MYO18A: variants seen among roughly 807,000 people sequenced by gnomAD.
MYO18A encodes the protein myosin XVIIIA.
Under a neutral mutation model 235.8 loss-of-function variants are expected in MYO18A, and 78 were observed. The ratio of observed to expected loss-of-function variants is 0.33; its 90% CI spans 0.28 to 0.40. MYO18A has a LOEUF of 0.40. Among genes scored for constraint, MYO18A ranks in the 10% least tolerant of loss-of-function variants. The probability of loss-of-function intolerance (pLI) is 1.00; values close to 1 mark genes in which losing one functional copy is unlikely to be tolerated. For missense variants in MYO18A, 2,215 were observed against 2,699.3 expected, an observed-to-expected ratio of 0.82 and a Z score of 3.98; for synonymous variants, 977 against 1,077.8, an observed-to-expected ratio of 0.91 and a Z score of 1.83.
At chr17:29,133,035 G>C (rs2067509735) in intron 2 of MYO18A, among the ~76,000 whole-genome samples, 1 of 152,232 alleles carries the variant, frequency 6.6e-6, no homozygotes, top group Admixed American at 6.5e-5. Flanking sequence ...CTGTTAACTT[G>C]GGTGCCGGGG....
At chr17:29,080,592 C>A (rs1444575635) in intron 41 of MYO18A, 4 of 985,688 alleles carry the variant, frequency 4.1e-6, no homozygotes, top group African/African-American at 1.7e-5. Flanking sequence ...CGGGCGAGCC[C>A]GACAGCGAGA....
intron 2 of MYO18A, among the ~76,000 whole-genome samples, chr17:29,157,258 C>T (rs2068082985): frequency 6.6e-6 from 1 of 152,226 alleles, no homozygotes; most frequent in South Asian, 2.1e-4. Context: ...AGATTGAATC[C>T]TGCCTGCTGC....
intron 41 of MYO18A, among the ~76,000 whole-genome samples, chr17:29,081,980 C>A (rs1462917988): frequency 6.6e-6 from 1 of 152,158 alleles, no homozygotes; most frequent in Non-Finnish European, 1.5e-5. Flanking sequence ...GATTAAGAGT[C>A]CCCTGTGCCC....
chr17:29,157,706 C>T (rs2068089898), intron 2 of MYO18A, among the ~76,000 whole-genome samples: 1 of 152,184 alleles, frequency 6.6e-6, no homozygotes, highest in Admixed American at 6.5e-5. Flanking sequence ...GCCTAACCTA[C>T]AGTGAATGTT....
At chr17:29,113,077 C>A (rs931482111) in intron 15 of MYO18A, among the ~76,000 whole-genome samples, 2 of 152,252 alleles carry the variant, frequency 1.3e-5, no homozygotes, top group Non-Finnish European at 2.9e-5. Flanking sequence ...GACATCCCCC[C>A]TCTCCCGGGA....
Position 29,110,498 on chromosome 17 carries a change from A to C in MYO18A, c.3025T>G (p.Phe1009Val), listed in dbSNP as rs1307283137. 6 of 1,603,668 alleles carry C rather than the reference A, an allele frequency of 3.7e-6. No homozygotes were observed. In the South Asian group the frequency reaches 6.7e-5, roughly 18 times the overall value. ...TTGACAGCCGCCATGCCTGTGGTAA[A>C]GGTTTTCCGCATGCTGGTGGCCCGG... is the stretch of plus-strand genomic sequence containing the variant. ...LRRATSMRKT[F>V]TTGMAAVKKK... is the part of the protein sequence containing the mutation. Residue 1009 changes from phenylalanine (F) to valine (V), a missense_variant, in exon 18 of 42, where the codon TTT becomes GTT. Coordinates refer to ENST00000527372, the MANE Select transcript of MYO18A (RefSeq NM_078471.4).
At chr17:29,086,646 G>A (rs2066260221) in intron 38 of MYO18A, 69 bp from the exon 39 acceptor site, 5 of 1,561,600 alleles carry the variant, frequency 3.2e-6, no homozygotes, top group African/African-American at 1.4e-5. Context: ...GAAGAAGCCT[G>A]CTTCAAGTAC....
At position 29,109,928 on chromosome 17, in the gene MYO18A, G is replaced by C. The variant is rs553958030; in HGVS notation, c.3261C>G (p.Leu1087=). The C allele has an allele frequency of 2.4e-5, 38 of 1,598,838 alleles. No individual in the cohort carries two copies. In the East Asian group the frequency reaches 8.2e-4, roughly 34 times the overall value. The part of the protein sequence containing the change: ...GDHCEAGLLQ[L]DVPLLRTQLR... ...GCTGGGTGCGGAGCAGGGGCACGTC[G>C]AGCTGCAGGAGCCCAGCCTCGCAGT... is the stretch of plus-strand genomic sequence containing the variant. The change falls in exon 19 of 42, where the codon CTC becomes CTG. Residue 1087 remains leucine, a synonymous_variant. Transcript: ENST00000527372. The surrounding 1 kb of genome is among the most constrained non-coding windows in gnomAD (Gnocchi z 4.1).
rs144361514 is a variant in MYO18A, at chr17:29,116,613, G to GCACACACACA, written c.2039-168_2039-159dup. Among the ~76,000 whole-genome samples the GCACACACACA allele has an allele frequency of 6.1e-4, 89 of 144,924 alleles. 1 individual carries two copies. Among genetic ancestry groups the GCACACACACA allele is most frequent in the African/African-American group, 1.7e-3 (66 of 38,018 alleles). ...AACCACAGTCAGACTTGGGACAAAC[G>GCACACACACA]CACACACACACAGTCTCCAGGGAGT... On this transcript the variant is annotated intron_variant, in intron 10 of 41. Coordinates refer to ENST00000527372, the MANE Select transcript of MYO18A (RefSeq NM_078471.4).
At chr17:29,176,151 G>A (rs1312515876) in intron 1 of MYO18A, among the ~76,000 whole-genome samples, 1 of 152,124 alleles carries the variant, frequency 6.6e-6, no homozygotes, top group African/African-American at 2.4e-5. Context: ...CTTTAGTAAC[G>A]CTTTAGCTTT....
chr17:29,142,351 A>C (rs1282271762), intron 2 of MYO18A, among the ~76,000 whole-genome samples: 1 of 152,234 alleles, frequency 6.6e-6, no homozygotes, highest in Non-Finnish European at 1.5e-5. Context: ...CCATTTGTTA[A>C]ATGAATGAGT....
intron 41 of MYO18A, chr17:29,081,134 AAGG>A (rs2066111788): frequency 2.3e-6 from 1 of 432,424 alleles, no homozygotes; most frequent in Admixed American, 6.4e-5. Flanking sequence ...AGGGAGGCGA[AAGG>A]AGGAGAAAAC....
chr17:29,128,182 C>T (rs191817802), intron 2 of MYO18A: 132 of 1,039,054 alleles, frequency 1.3e-4, no homozygotes, highest in South Asian at 2.2e-4. Flanking sequence ...CAGGCTTAGG[C>T]GGAGCAGGGG....
intron 11 of MYO18A, among the ~76,000 whole-genome samples, chr17:29,116,209 G>C (rs1406771388): frequency 6.6e-6 from 1 of 152,154 alleles, no homozygotes; most frequent in Admixed American, 6.5e-5. Flanking sequence ...TGTGCCTGTG[G>C]GGGACTTATC....
Position 29,103,676 on chromosome 17 carries a change from G to A in MYO18A, c.3442-12C>T. 6.2e-7 allele frequency: 1 copy of A among 1,613,538 alleles called. No individual in the cohort carries two copies. Among genetic ancestry groups the A allele is most frequent in the Admixed American group, 1.7e-5 (1 of 60,026 alleles). On this transcript the variant is annotated splice_polypyrimidine_tract_variant and intron_variant, in intron 20 of 41. Coordinates refer to ENST00000527372, the MANE Select transcript of MYO18A (RefSeq NM_078471.4). ...AGCTCCTCCACTGCCTGTGGAGAGA[G>A]GCCTCTGTCAGGCAGCCCGCCTGGG... is the stretch of plus-strand genomic sequence containing the variant.
intron 10 of MYO18A, 114 bp from the exon 11 acceptor site, chr17:29,116,569 T>C: frequency 8.3e-7 from 1 of 1,200,180 alleles, no homozygotes; most frequent in Non-Finnish European, 1.2e-6. Flanking sequence ...GTTGTGAGGA[T>C]GAGTAGGCAA....
chr17:29,115,250 C>A (rs552312618), intron 13 of MYO18A, 101 bp downstream of exon 13: 110 of 1,465,626 alleles, frequency 7.5e-5, no homozygotes, highest in Admixed American at 2.5e-4. Flanking sequence ...CAGGGAGCCC[C>A]TGCTGGAAGA....
At chr17:29,132,652 CA>C (rs1190737539) in intron 2 of MYO18A, among the ~76,000 whole-genome samples, 6 of 152,192 alleles carry the variant, frequency 3.9e-5, no homozygotes, top group Non-Finnish European at 8.8e-5. Context: ...TTAGCAGTGC[CA>C]GGGGCACTGG....
At chr17:29,170,820 A>G (rs2068385643) in intron 1 of MYO18A, among the ~76,000 whole-genome samples, 1 of 152,204 alleles carries the variant, frequency 6.6e-6, no homozygotes, top group Non-Finnish European at 1.5e-5. Context: ...TCAAATATAC[A>G]TCTATCTGTC....
Sources: gnomAD v4.1 joint callset for allele counts (sites outside exome capture counted in the v4.1 genomes callset) on GRCh38, gnomAD v4.1.1 for gene constraint, Gnocchi (gnomAD v3.1) non-coding constraint, MANE v1.5 for transcripts, NCBI Gene and HGNC (gene_info 2026-07-23, HGNC 2026-07-21) for gene names.